Variants in PPP2R5C observed in about 807,000 individuals in gnomAD.
The protein encoded by PPP2R5C is protein phosphatase 2 regulatory subunit B'gamma.
In PPP2R5C, 7 loss-of-function variants were observed where a neutral mutation model predicts 68.9. That is an observed-to-expected ratio of 0.10 (90% CI 0.06 to 0.19). The LOEUF (loss-of-function observed/expected upper bound fraction) is 0.19. PPP2R5C is among the 10% of genes least tolerant of loss of function. The pLI, the probability that PPP2R5C is intolerant of heterozygous loss-of-function variation, is 1.00. For synonymous variants in PPP2R5C, 210 were observed against 222.2 expected (o/e 0.95, Z 0.49); for missense variants, 348 against 641.3 (o/e 0.54, Z 4.94).
chr14:101,872,219 C>CTTTTTTTTTTTTTTT (rs386382344), intron 2 of PPP2R5C, among the ~76,000 whole-genome samples: 2 of 91,196 alleles, frequency 2.2e-5, no homozygotes, highest in Admixed American at 1.3e-4. Flanking sequence ...TTTCTTTTGC[C>CTTTTTTTTTTTTTTT]TTTTTTTTTT....
At chr14:101,776,654 A>G (rs1219318141) in intron 2 of PPP2R5C, among the ~76,000 whole-genome samples, 1 of 152,076 alleles carries the variant, frequency 6.6e-6, no homozygotes, top group East Asian at 1.9e-4. Context: ...TATTCCAGAA[A>G]GTCCTCCTCA....
chr14:101,773,137 C>T (rs1423861723), intron 2 of PPP2R5C, among the ~76,000 whole-genome samples: 2 of 152,176 alleles, frequency 1.3e-5, no homozygotes, highest in African/African-American at 2.4e-5. Context: ...AGCACCATTG[C>T]GGGTGCAGAG....
At chr14:101,817,766 C>G (rs749511238) in intron 1 of PPP2R5C, among the ~76,000 whole-genome samples, 3 of 125,440 alleles carry the variant, frequency 2.4e-5, no homozygotes, top group African/African-American at 9.2e-5. Flanking sequence ...AGAAATGGAA[C>G]GTGAAATGGG....
chr14:101,907,919 C>T (rs2046146423), intron 10 of PPP2R5C, among the ~76,000 whole-genome samples: 1 of 152,172 alleles, frequency 6.6e-6, no homozygotes, highest in African/African-American at 2.4e-5. Context: ...GACCCCCGAG[C>T]GAGCGTCCAG....
At chr14:101,873,452 G>T (rs2140806403) in intron 2 of PPP2R5C, among the ~76,000 whole-genome samples, 1 of 152,292 alleles carries the variant, frequency 6.6e-6, no homozygotes, top group South Asian at 2.1e-4. Flanking sequence ...GGCAGGAACA[G>T]TTATATTAAA....
chr14:101,843,120 T>C (rs1001397313), intron 1 of PPP2R5C, among the ~76,000 whole-genome samples: 2 of 152,064 alleles, frequency 1.3e-5, no homozygotes, highest in Non-Finnish European at 2.9e-5. Context: ...TCTAACTGCT[T>C]GGGAGGCTGG....
chr14:101,913,891 A>AAC lies in PPP2R5C; in HGVS notation c.1326+1429_1326+1430dup, dbSNP rs202126958. Among the ~76,000 whole-genome samples the AAC allele has an allele frequency of 2.6e-5, 4 of 151,922 alleles. No individual in the cohort carries two copies. Among genetic ancestry groups the AAC allele is most frequent in the East Asian group, 1.9e-4 (1 of 5,188 alleles). ...AGAAATGAATACACACACACACACA[A>AAC]ACACACACACACGAATCAGAAGGTC... On this transcript the variant is annotated intron_variant, in intron 12 of 13. Coordinates refer to ENST00000334743, the Ensembl canonical transcript of PPP2R5C. This position sits in a 1 kb window ranked among gnomAD's most constrained non-coding sequence, Gnocchi z 4.1.
In PPP2R5C at chr14:101,804,653, G is replaced by T. The variant is rs911432648; in HGVS notation, c.259+18470G>T. On this transcript the variant is annotated intron_variant, in intron 3 of 14. Coordinates refer to the PPP2R5C transcript ENST00000328724. ...ATCACATGTTCTCACATATTCATGGGATCTAAAAATCAAAACAATTGAACT... is the reference window on the plus strand; with the variant it reads ...ATCACATGTTCTCACATATTCATGGTATCTAAAAATCAAAACAATTGAACT... Among the ~76,000 whole-genome samples, 5 of 152,012 alleles carry T rather than the reference G, an allele frequency of 3.3e-5. No individual in the cohort carries two copies. The South Asian group carries it at 1.0e-3, about 32-fold the overall frequency.
At chr14:101,829,453 G>T (rs993048718) in intron 1 of PPP2R5C, among the ~76,000 whole-genome samples, 1 of 151,972 alleles carries the variant, frequency 6.6e-6, no homozygotes, top group African/African-American at 2.4e-5. Flanking sequence ...GGAAGTGCTG[G>T]GCTACGGGCC....
intron 2 of PPP2R5C, among the ~76,000 whole-genome samples, chr14:101,771,222 C>CGTGTGTGTGTGTGTGTGTGT (rs3993402): frequency 4.4e-5 from 6 of 135,396 alleles, no homozygotes; most frequent in East Asian, 2.3e-4. Flanking sequence ...TTCTTCATCT[C>CGTGTGTGTGTGTGTGTGTGT]GTGTGTGTGT....
upstream of PPP2R5C, chr14:101,760,731 G>C (rs1435220062): frequency 3.0e-5 from 27 of 888,706 alleles, no homozygotes; most frequent in Non-Finnish European, 3.4e-5. Context: ...GAGCTGGTGA[G>C]GGGAGGGGCT....
chr14:101,921,164 C>A, intron 13 of PPP2R5C: 2 of 250,052 alleles, frequency 8.0e-6, no homozygotes, highest in South Asian at 3.1e-5. Context: ...GCCTCCTGGA[C>A]TCAAGCAATC....
chr14:101,794,397 C>CTTTA (rs1325214362), intron 3 of PPP2R5C, among the ~76,000 whole-genome samples: 5 of 152,052 alleles, frequency 3.3e-5, no homozygotes, highest in Admixed American at 6.6e-5. Context: ...CAGCTGTTGA[C>CTTTA]TTTATTTATT....
At chr14:101,897,695 G>A (rs1276885608) in intron 8 of PPP2R5C, among the ~76,000 whole-genome samples, 1 of 151,752 alleles carries the variant, frequency 6.6e-6, no homozygotes, top group Non-Finnish European at 1.5e-5. Flanking sequence ...TGACTCACAT[G>A]TTAATCTCCT....
chr14:101,838,876 T>G (rs1295444515), intron 1 of PPP2R5C: 1 of 151,832 alleles, frequency 6.6e-6, no homozygotes, highest in African/African-American at 2.4e-5. Context: ...AAACCCCGTC[T>G]CTACTAAAAA....
chr14:101,834,191 C>G (rs1303395943), intron 1 of PPP2R5C, among the ~76,000 whole-genome samples: 2 of 152,158 alleles, frequency 1.3e-5, no homozygotes, highest in Non-Finnish European at 2.9e-5. Flanking sequence ...TGAAGAGTCA[C>G]CCTGAGAATT....
Position 101,877,900 on chromosome 14 carries a change from C to T in PPP2R5C, c.295-4261C>T, listed in dbSNP as rs558919773. 5.3e-5 allele frequency among the ~76,000 whole-genome samples: 8 copies of T among 152,306 alleles called. No homozygotes were observed. The East Asian group carries it at 1.4e-3, about 26-fold the overall frequency. ...GGAATGAACCTTCCCGGACCTAGGT[C>T]GGTCATCAGTCAAGGACGCTGTATC... On this transcript the variant is annotated intron_variant, in intron 2 of 13. Coordinates refer to ENST00000334743, the Ensembl canonical transcript of PPP2R5C. This position sits in a 1 kb window ranked among gnomAD's most constrained non-coding sequence, Gnocchi z 4.2.
In PPP2R5C at chr14:101,915,332, G is replaced by A. The variant is rs1415990086; in HGVS notation, c.1327-2499G>A. 1.3e-5 allele frequency among the ~76,000 whole-genome samples: 2 copies of A among 152,168 alleles called. No homozygotes were observed. The highest frequency in any genetic ancestry group is 2.1e-4 in the South Asian group (1 of 4,808). ...CCTGACCTTGTGATCTACCTGCCTC[G>A]GCCTCCCAGAGTGCTGGGATTACAG... On this transcript the variant is annotated intron_variant, in intron 12 of 13. Coordinates refer to ENST00000334743, the Ensembl canonical transcript of PPP2R5C. The surrounding 1 kb of genome is among the most constrained non-coding windows in gnomAD (Gnocchi z 4.2).
At chr14:101,807,907 A>C (rs1195808622), upstream of PPP2R5C, among the ~76,000 whole-genome samples, 1 of 150,224 alleles carries the variant, frequency 6.7e-6, no homozygotes, top group African/African-American at 2.5e-5. Flanking sequence ...ATTCCCACTC[A>C]TCAGCACAGT....
Sources: gnomAD v4.1 joint callset for allele counts (sites outside exome capture counted in the v4.1 genomes callset) on GRCh38, gnomAD v4.1.1 for gene constraint, Gnocchi (gnomAD v3.1) non-coding constraint, MANE v1.5 for transcripts, NCBI Gene and HGNC (gene_info 2026-07-23, HGNC 2026-07-21) for gene names.